Variants in GRIP1 observed in about 807,000 individuals in gnomAD.
The protein encoded by GRIP1 is glutamate receptor-interacting protein 1.
GRIP1 carries 45 observed loss-of-function variants against 129.9 expected under a neutral mutation model. That is an observed-to-expected ratio of 0.35 (90% confidence interval 0.27 to 0.44). The LOEUF is 0.44. Among genes scored for constraint, GRIP1 ranks in the 20% least tolerant of loss-of-function variants. The pLI, the probability that GRIP1 is intolerant of heterozygous loss-of-function variation, is 1.00. For missense variants in GRIP1, 1,196 were observed against 1,396.8 expected (o/e 0.86, Z 2.29); for synonymous variants, 530 against 520.8 (o/e 1.02, Z -0.24).
At chr12:66,773,350 C>T (rs2037879503) in intron 1 of GRIP1, among the ~76,000 whole-genome samples, 2 of 152,114 alleles carry the variant, frequency 1.3e-5, no homozygotes, top group Admixed American at 1.3e-4. Context: ...GGTATATACC[C>T]AGTAATGGGA....
intron 1 of GRIP1, among the ~76,000 whole-genome samples, chr12:66,800,349 C>G (rs1275989862): frequency 6.6e-6 from 1 of 152,080 alleles, no homozygotes; most frequent in Non-Finnish European, 1.5e-5. Flanking sequence ...GAGTCCCACT[C>G]CTAATTCCAT....
intron 16 of GRIP1, among the ~76,000 whole-genome samples, chr12:66,401,877 G>A (rs939416523): frequency 8.6e-5 from 13 of 152,000 alleles, no homozygotes; most frequent in African/African-American, 1.4e-4. Context: ...CTCATTCAGC[G>A]CTTTCATCAA....
chr12:66,932,622 G>A (rs530733899), intron 1 of GRIP1, among the ~76,000 whole-genome samples: 25 of 152,042 alleles, frequency 1.6e-4, no homozygotes, highest in African/African-American at 6.0e-4. Context: ...AAAATTCCGA[G>A]GAGCTAAAAT....
chr12:66,708,722 A>AGTTTT lies in GRIP1; in HGVS notation c.-419-78391_-419-78387dup, dbSNP rs534515289. Among the ~76,000 whole-genome samples the AGTTTT allele has an allele frequency of 2.9e-3, 437 of 151,988 alleles. 1 individual carries two copies. The highest frequency in any genetic ancestry group is 0.01 in the African/African-American group (419 of 41,502). On this transcript the variant is annotated intron_variant, in intron 1 of 4. Coordinates refer to the GRIP1 transcript ENST00000538373. ...TCTGGGGTACATGTGCAGAATGTGC[A>AGTTTT]GTTTTGTTACATAGGTATACATGTG...
intron 1 of GRIP1, among the ~76,000 whole-genome samples, chr12:66,600,985 C>A (rs2064250726): frequency 6.6e-6 from 1 of 152,222 alleles, no homozygotes; most frequent in Admixed American, 6.5e-5. Context: ...CAGGGGCTTA[C>A]ATGTTGGTCA....
At chr12:67,028,620 A>G (rs1323687375) in intron 1 of GRIP1, among the ~76,000 whole-genome samples, 1 of 152,178 alleles carries the variant, frequency 6.6e-6, no homozygotes, top group African/African-American at 2.4e-5. Flanking sequence ...CTGCCTCTTC[A>G]GTATCTTTTA....
intron 15 of GRIP1, 68 bp downstream of exon 15, chr12:66,420,652 T>C: frequency 1.2e-6 from 1 of 859,040 alleles, no homozygotes; most frequent in South Asian, 1.3e-5. Context: ...GCTTTGGGTG[T>C]GGAAGGTGTC....
intron 1 of GRIP1, among the ~76,000 whole-genome samples, chr12:66,979,310 C>G (rs10878548): frequency 0.83 from 119,752 of 143,856 alleles, 50,322 homozygotes; most frequent in African/African-American, 0.94. Context: ...AATTACTTTT[C>G]CTCTTATATG....
chr12:66,655,583 TA>T (rs925042738), intron 1 of GRIP1, among the ~76,000 whole-genome samples: 58 of 151,838 alleles, frequency 3.8e-4, no homozygotes, highest in African/African-American at 1.2e-3. Context: ...CATACACTAA[TA>T]TTTTTTTGCA....
At chr12:66,474,551 G>A (rs1285390443) in intron 7 of GRIP1, among the ~76,000 whole-genome samples, 1 of 152,090 alleles carries the variant, frequency 6.6e-6, no homozygotes, top group Non-Finnish European at 1.5e-5. Context: ...TTGAAATGAA[G>A]GAAAAAATGT....
At chr12:66,840,671 CTATT>C (rs1165444837) in intron 1 of GRIP1, among the ~76,000 whole-genome samples, 1 of 152,158 alleles carries the variant, frequency 6.6e-6, no homozygotes, top group Non-Finnish European at 1.5e-5. Flanking sequence ...ACTGAGCAAT[CTATT>C]TAGACTGAAA....
At chr12:67,017,569 G>A (rs1242803179) in intron 1 of GRIP1, among the ~76,000 whole-genome samples, 1 of 152,084 alleles carries the variant, frequency 6.6e-6, no homozygotes, top group Non-Finnish European at 1.5e-5. Flanking sequence ...ATATGTGCAT[G>A]CTGTTCTACC....
chr12:66,985,316 C>T (rs1160700871), intron 1 of GRIP1, among the ~76,000 whole-genome samples: 2 of 151,834 alleles, frequency 1.3e-5, no homozygotes, highest in Non-Finnish European at 1.5e-5. Flanking sequence ...TTGCAGTATG[C>T]GATATATTGT....
At chr12:66,363,477 G>A (rs73119381) in intron 23 of GRIP1, among the ~76,000 whole-genome samples, 3 of 146,328 alleles carry the variant, frequency 2.1e-5, no homozygotes, top group Admixed American at 6.9e-5. Context: ...TGTTTAACTT[G>A]TGGGCTCAAG....
intron 1 of GRIP1, among the ~76,000 whole-genome samples, chr12:66,751,486 CA>C (rs903268793): frequency 6.6e-6 from 1 of 152,042 alleles, no homozygotes; most frequent in African/African-American, 2.4e-5. Flanking sequence ...TTGTTTCTGC[CA>C]AAAGGGTAAG....
chr12:66,486,267 T>TTATATA (rs59135643), intron 7 of GRIP1, among the ~76,000 whole-genome samples: 2 of 150,154 alleles, frequency 1.3e-5, no homozygotes, highest in Admixed American at 6.7e-5. Flanking sequence ...CTGACATGGT[T>TTATATA]TATATATATA....
chr12:67,069,084 G>C, exon 1 of GRIP1: 1 of 984,636 alleles, frequency 1.0e-6, no homozygotes, highest in Non-Finnish European at 1.2e-6. Context: ...AGCAGATAGG[G>C]ATATTCTTCT....
intron 23 of GRIP1, among the ~76,000 whole-genome samples, chr12:66,369,738 C>A (rs560652344): frequency 1.4e-4 from 21 of 152,214 alleles, no homozygotes; most frequent in African/African-American, 5.1e-4. Flanking sequence ...TTCACAGGTA[C>A]CCGAGGGAAC....
intron 1 of GRIP1, among the ~76,000 whole-genome samples, chr12:66,865,706 T>C (rs543095327): frequency 6.6e-6 from 1 of 152,188 alleles, no homozygotes; most frequent in South Asian, 2.1e-4. Context: ...TATCTCTATC[T>C]TCTTGTAATC....
Sources: allele counts gnomAD v4.1 joint callset (sites outside exome capture counted in the v4.1 genomes callset), GRCh38; gene constraint gnomAD v4.1.1; transcripts MANE v1.5; gene names NCBI Gene and HGNC (gene_info 2026-07-23, HGNC 2026-07-21).